The following GAS2 variants were observed in gnomAD, a reference collection of about 807,000 sequenced individuals.
GAS2 encodes the protein growth arrest specific 2.
In GAS2, 20 loss-of-function variants were observed where a neutral mutation model predicts 37.5. The observed-to-expected ratio is 0.53, with a 90% CI of 0.37 to 0.77. The LOEUF is 0.77. Ranked by LOEUF, GAS2 falls within the 30% of genes least tolerant of loss-of-function variation. The probability of loss-of-function intolerance (pLI) is 0.00; values close to 1 mark genes in which losing one functional copy is unlikely to be tolerated. For missense variants in GAS2, 336 were observed against 373.4 expected (o/e 0.90, Z 0.82); for synonymous variants, 144 against 132.2 (o/e 1.09, Z -0.61).
At chr11:22,650,295 A>G (rs1192342803) in intron 1 of GAS2, among the ~76,000 whole-genome samples, 3 of 149,354 alleles carry the variant, frequency 2.0e-5, no homozygotes, top group African/African-American at 7.4e-5. Context: ...GTTTGTTATA[A>G]TTTCTGTTCT....
intron 7 of GAS2, among the ~76,000 whole-genome samples, chr11:22,802,455 TA>T (rs34312956): frequency 0.32 from 45,247 of 143,560 alleles, 8,220 homozygotes; most frequent in Non-Finnish European, 0.42. Context: ...CTTAAAGTAT[TA>T]AAAAAAAAAA....
chr11:22,750,146 C>T (rs901881448), intron 6 of GAS2, among the ~76,000 whole-genome samples: 4 of 151,996 alleles, frequency 2.6e-5, no homozygotes, highest in Admixed American at 6.6e-5. Context: ...ATTAGAGTGA[C>T]GTATGTCTCA....
intron 3 of GAS2, among the ~76,000 whole-genome samples, chr11:22,703,985 G>A (rs953808547): frequency 2.0e-5 from 3 of 152,048 alleles, no homozygotes; most frequent in African/African-American, 7.2e-5. Context: ...ATATCTTGAA[G>A]CCAAAAGAAG....
At chr11:22,785,227 T>C (rs1330637808) in intron 7 of GAS2, among the ~76,000 whole-genome samples, 2 of 152,132 alleles carry the variant, frequency 1.3e-5, no homozygotes, top group Non-Finnish European at 2.9e-5. Flanking sequence ...AAAGTGCATC[T>C]TTATAGTCCG....
In GAS2 at chr11:22,726,280, T is replaced by C. The variant is rs1270085233; in HGVS notation, c.268-12T>C. ...ACAGATTTCTCCTAGAACGAATTTC[T>C]TTATTTTTCAGAATCTACCGTTGAA... On this transcript the variant is annotated splice_polypyrimidine_tract_variant and intron_variant, in intron 3 of 7. Coordinates refer to ENST00000454584, the MANE Select transcript of GAS2 (RefSeq NM_001143830.3). 1 of 1,584,162 alleles carries C rather than the reference T, an allele frequency of 6.3e-7. No homozygotes were observed. The highest frequency in any genetic ancestry group is 8.5e-7 in the Non-Finnish European group (1 of 1,172,502).
chr11:22,643,700 A>C (rs533488942), intron 1 of GAS2, among the ~76,000 whole-genome samples: 1 of 152,162 alleles, frequency 6.6e-6, no homozygotes, highest in South Asian at 2.1e-4. Flanking sequence ...CAAACCACAA[A>C]GAAAAAAAAA....
chr11:22,709,054 A>G (rs1277219312), intron 3 of GAS2, among the ~76,000 whole-genome samples: 1 of 152,168 alleles, frequency 6.6e-6, no homozygotes, highest in Non-Finnish European at 1.5e-5. Context: ...AATACAAACC[A>G]TGGAAGCCAC....
At chr11:22,754,995 G>A (rs1853947844) in intron 6 of GAS2, among the ~76,000 whole-genome samples, 1 of 152,040 alleles carries the variant, frequency 6.6e-6, no homozygotes, top group South Asian at 2.1e-4. Context: ...TTGTTTGGTT[G>A]GTTGGTTAGT....
At chr11:22,795,375 G>A (rs979470692) in intron 7 of GAS2, among the ~76,000 whole-genome samples, 1 of 152,032 alleles carries the variant, frequency 6.6e-6, no homozygotes. Flanking sequence ...GCTGCAATGG[G>A]GAAAGAGAAG....
chr11:22,690,361 C>A (rs1041851157), intron 3 of GAS2, among the ~76,000 whole-genome samples: 1 of 152,156 alleles, frequency 6.6e-6, no homozygotes, highest in South Asian at 2.1e-4. Context: ...TCCTATGATT[C>A]TTTCTTCCCA....
At chr11:22,785,777 A>G (rs1855790043) in intron 7 of GAS2, among the ~76,000 whole-genome samples, 2 of 152,144 alleles carry the variant, frequency 1.3e-5, no homozygotes, top group Admixed American at 1.3e-4. Context: ...CGCTCTCTTC[A>G]GGATTATAAG....
chr11:22,789,488 G>A (rs12364189), intron 7 of GAS2, among the ~76,000 whole-genome samples: 2 of 87,830 alleles, frequency 2.3e-5, no homozygotes, highest in Non-Finnish European at 4.4e-5. Flanking sequence ...TTGAGGCAGA[G>A]TCTTGCTCTG....
chr11:22,703,815 T>A (rs1850965282), intron 3 of GAS2, among the ~76,000 whole-genome samples: 2 of 152,156 alleles, frequency 1.3e-5, no homozygotes, highest in Admixed American at 1.3e-4. Context: ...GAAAACACAT[T>A]ACATATCATG....
upstream of GAS2, among the ~76,000 whole-genome samples, chr11:22,665,096 T>TC (rs1554966779): frequency 1.3e-5 from 2 of 152,112 alleles, no homozygotes; most frequent in Non-Finnish European, 2.9e-5. Context: ...CTCCTTTTTT[T>TC]CCCCAAACTG....
chr11:22,681,936 A>T (rs183936829), intron 2 of GAS2, among the ~76,000 whole-genome samples: 1 of 152,060 alleles, frequency 6.6e-6, no homozygotes, highest in Admixed American at 6.5e-5. Context: ...ACAATCATAC[A>T]TTGATTGTAA....
intron 1 of GAS2, among the ~76,000 whole-genome samples, chr11:22,639,723 G>A (rs373083522): frequency 6.6e-6 from 1 of 151,762 alleles, no homozygotes; most frequent in Non-Finnish European, 1.5e-5. Flanking sequence ...GTTTTAATGG[G>A]GAAAACACAC....
At chr11:22,804,181 G>T (rs1403609660) in intron 7 of GAS2, among the ~76,000 whole-genome samples, 1 of 152,040 alleles carries the variant, frequency 6.6e-6, no homozygotes, top group Non-Finnish European at 1.5e-5. Flanking sequence ...AAACCATGAG[G>T]TTACAAACAG....
chr11:22,674,588 A>G (rs1270214775), intron 1 of GAS2, among the ~76,000 whole-genome samples: 1 of 152,216 alleles, frequency 6.6e-6, no homozygotes, highest in African/African-American at 2.4e-5. Flanking sequence ...GCTCTTTCCA[A>G]GTATATTGTT....
chr11:22,744,070 C>A (rs1344275146), intron 5 of GAS2, among the ~76,000 whole-genome samples: 1 of 152,026 alleles, frequency 6.6e-6, no homozygotes, highest in Non-Finnish European at 1.5e-5. Flanking sequence ...AAACATACAA[C>A]CTCAAAAGAT....
Sources: allele counts gnomAD v4.1 joint callset (sites outside exome capture counted in the v4.1 genomes callset), GRCh38; gene constraint gnomAD v4.1.1; transcripts MANE v1.5; gene names NCBI Gene and HGNC (gene_info 2026-07-23, HGNC 2026-07-21).